Variants in ARHGAP26 observed in about 807,000 individuals in gnomAD.
ARHGAP26 encodes the protein rho GTPase-activating protein 26.
In ARHGAP26, 38 loss-of-function variants were observed where a neutral mutation model predicts 104.8. That is an observed-to-expected ratio of 0.36 (90% CI 0.28 to 0.48). The LOEUF (loss-of-function observed/expected upper bound fraction) is 0.48, where lower values mean the gene tolerates loss of function less well. Ranked by LOEUF, ARHGAP26 falls within the 20% of genes least tolerant of loss-of-function variation. ARHGAP26 has a pLI of 0.99. For synonymous variants in ARHGAP26, 341 were observed against 340.0 expected (o/e 1.00, Z -0.03); for missense variants, 704 against 947.9 (o/e 0.74, Z 3.38).
intron 1 of ARHGAP26, among the ~76,000 whole-genome samples, chr5:142,854,441 C>T (rs1351118800): frequency 6.6e-6 from 1 of 152,178 alleles, no homozygotes; most frequent in African/African-American, 2.4e-5. Flanking sequence ...AACGTAAGGA[C>T]TATGTCAGTT....
intron 1 of ARHGAP26, among the ~76,000 whole-genome samples, chr5:142,801,195 T>C (rs1561863543): frequency 6.6e-6 from 1 of 152,250 alleles, no homozygotes. Context: ...GGGTTTGAGC[T>C]GTGGAATTGC....
chr5:142,907,054 T>A (rs1163725323), intron 8 of ARHGAP26, among the ~76,000 whole-genome samples: 1 of 152,192 alleles, frequency 6.6e-6, no homozygotes, highest in East Asian at 1.9e-4. Flanking sequence ...GCATGGCACC[T>A]CCCTCTTGAG....
intron 4 of ARHGAP26, among the ~76,000 whole-genome samples, chr5:142,884,217 C>A (rs1377786408): frequency 6.6e-6 from 1 of 152,214 alleles, no homozygotes; most frequent in Non-Finnish European, 1.5e-5. Flanking sequence ...CAATCTGTCT[C>A]AGCTGTGGTG....
intron 20 of ARHGAP26, among the ~76,000 whole-genome samples, chr5:143,180,124 T>C (rs566309951): frequency 1.3e-5 from 2 of 152,224 alleles, no homozygotes; most frequent in East Asian, 3.9e-4. Flanking sequence ...AAATTCTCTC[T>C]CTTTTTTTTG....
intron 19 of ARHGAP26, among the ~76,000 whole-genome samples, chr5:143,144,383 CG>C (rs1419788259): frequency 6.6e-6 from 1 of 151,924 alleles, no homozygotes; most frequent in Non-Finnish European, 1.5e-5. Context: ...AGTGACATTA[CG>C]GGATCATTTT....
intron 17 of ARHGAP26, among the ~76,000 whole-genome samples, chr5:143,099,320 C>T (rs1792881006): frequency 6.6e-6 from 1 of 152,030 alleles, no homozygotes; most frequent in South Asian, 2.1e-4. Context: ...GTGGGGGGCA[C>T]AGGTAGAGGA....
chr5:142,981,123 G>GA (rs947315662), intron 11 of ARHGAP26, among the ~76,000 whole-genome samples: 12 of 152,314 alleles, frequency 7.9e-5, no homozygotes, highest in Admixed American at 7.2e-4. Context: ...ATCATGGAAA[G>GA]AAAAATGCAG....
chr5:142,951,048 C>G (rs370385302), intron 11 of ARHGAP26, among the ~76,000 whole-genome samples: 331 of 151,116 alleles, frequency 2.2e-3, no homozygotes, highest in African/African-American at 7.9e-3. Flanking sequence ...TTTCCCTTCC[C>G]CTTCCCCTTC....
chr5:142,950,596 AT>A (rs1176307589), intron 11 of ARHGAP26, among the ~76,000 whole-genome samples: 1 of 152,094 alleles, frequency 6.6e-6, no homozygotes, highest in East Asian at 1.9e-4. Context: ...TGTTATCAGA[AT>A]GTCATGTTTC....
At chr5:143,060,605 A>G (rs1786558542) in intron 17 of ARHGAP26, among the ~76,000 whole-genome samples, 1 of 151,916 alleles carries the variant, frequency 6.6e-6, no homozygotes, top group South Asian at 2.1e-4. Context: ...TTCAGCTTAA[A>G]TCTACTATGA....
chr5:143,134,091 A>G lies in ARHGAP26; in HGVS notation c.1823A>G (p.Gln608Arg), dbSNP rs2150899215. Residue 608 changes from glutamine to arginine, a missense_variant, in exon 19 of 23, where the codon CAG becomes CGG. Around this residue, in one of 6 missense-constraint regions of ARHGAP26, gnomAD observed 217 missense variants for 242.6 expected, o/e 0.89. Coordinates refer to ENST00000645722, the MANE Select transcript of ARHGAP26 (RefSeq NM_001135608.3). ...CCCCTGACGCTCTTCCACACCGTTC[A>G]GTCAACAGAGAAACGTGAGTCTTTG... ...ERPLTLFHTV[Q>R]STEKQEQRNS... The G allele has an allele frequency of 6.2e-7, 1 of 1,610,380 alleles. No homozygotes were observed. The highest frequency in any genetic ancestry group is 8.5e-7 in the Non-Finnish European group (1 of 1,177,972).
chr5:142,884,172 C>T (rs574562291), intron 4 of ARHGAP26, among the ~76,000 whole-genome samples: 7 of 152,302 alleles, frequency 4.6e-5, no homozygotes, highest in Non-Finnish European at 8.8e-5. Flanking sequence ...CTGCTCTCCC[C>T]GTTGGAATGT....
intron 10 of ARHGAP26, among the ~76,000 whole-genome samples, chr5:142,917,661 T>C (rs996087106): frequency 6.6e-6 from 1 of 152,146 alleles, no homozygotes; most frequent in African/African-American, 2.4e-5. Flanking sequence ...GTTCCATGAA[T>C]GGTTTTTTGG....
intron 1 of ARHGAP26, chr5:142,771,155 G>A: frequency 7.7e-7 from 1 of 1,292,070 alleles, no homozygotes; most frequent in Non-Finnish European, 9.8e-7. Context: ...GTGACCCAGC[G>A]CGGGTGGTGC....
chr5:142,833,960 C>A (rs1769039467), intron 1 of ARHGAP26, among the ~76,000 whole-genome samples: 1 of 152,112 alleles, frequency 6.6e-6, no homozygotes, highest in Non-Finnish European at 1.5e-5. Flanking sequence ...GACAGTCATG[C>A]TTTTGGCAAG....
rs116805162 is a variant in ARHGAP26 at position 143,030,258 on chromosome 5, C to G, written c.1145-6938C>G. ...AGAATACTTGTGTTTTCCAGGGGCT[C>G]TCTTGACCCTCAGGCCTCAGGCCCC... is the stretch of plus-strand genomic sequence containing the variant. On this transcript the variant is annotated intron_variant, in intron 12 of 22. Transcript: ENST00000645722. 5.1e-3 allele frequency among the ~76,000 whole-genome samples: 778 copies of G among 152,242 alleles called. 1 individual carries two copies. Among genetic ancestry groups the G allele is most frequent in the African/African-American group, 0.018 (744 of 41,522 alleles).
At chr5:142,872,479 G>A (rs1224514578) in intron 1 of ARHGAP26, among the ~76,000 whole-genome samples, 1 of 152,152 alleles carries the variant, frequency 6.6e-6, no homozygotes, top group African/African-American at 2.4e-5. Flanking sequence ...AGCCTAATCT[G>A]CAGGAAGACT....
intron 19 of ARHGAP26, among the ~76,000 whole-genome samples, chr5:143,146,658 A>C (rs1008229124): frequency 6.6e-6 from 1 of 152,242 alleles, no homozygotes; most frequent in African/African-American, 2.4e-5. Flanking sequence ...CACCAAGTAC[A>C]TGGAGCTAGA....
At chr5:142,918,872 A>G (rs1178215544) in intron 10 of ARHGAP26, among the ~76,000 whole-genome samples, 1 of 152,204 alleles carries the variant, frequency 6.6e-6, no homozygotes, top group Non-Finnish European at 1.5e-5. Context: ...ATGTCAGTCC[A>G]ATCAATATAA....
Sources: gnomAD v4.1 joint callset for allele counts (sites outside exome capture counted in the v4.1 genomes callset) on GRCh38, gnomAD v4.1.1 for gene constraint, gnomAD v4.1.1 regional missense constraint, MANE v1.5 for transcripts, NCBI Gene and HGNC (gene_info 2026-07-23, HGNC 2026-07-21) for gene names.